FAR2: variants seen among roughly 807,000 people sequenced by gnomAD.
FAR2 encodes epididymis secretory protein Li 81.
FAR2 carries 19 observed loss-of-function variants against 56.0 expected under a neutral mutation model. That is an observed-to-expected ratio of 0.34 (90% CI 0.24 to 0.50). FAR2 has a LOEUF of 0.50. Among genes scored for constraint, FAR2 ranks in the 20% least tolerant of loss-of-function variants. FAR2 has a pLI of 0.98. For synonymous variants in FAR2, 219 were observed against 218.8 expected (o/e 1.00, Z -0.01); for missense variants, 508 against 642.2 (o/e 0.79, Z 2.26).
intron 1 of FAR2, among the ~76,000 whole-genome samples, chr12:29,191,731 C>T (rs912978081): frequency 6.6e-6 from 1 of 152,158 alleles, no homozygotes; most frequent in Admixed American, 6.5e-5. Context: ...CATGTTCAGC[C>T]ATAACATTGC....
chr12:29,269,981 C>T (rs1158946778), intron 1 of FAR2, among the ~76,000 whole-genome samples: 1 of 152,224 alleles, frequency 6.6e-6, no homozygotes, highest in East Asian at 1.9e-4. Context: ...TTTCCTTGGC[C>T]TGGGACACCA....
At chr12:29,192,246 TAAATA>T (rs1217682669) in intron 1 of FAR2, among the ~76,000 whole-genome samples, 3 of 152,242 alleles carry the variant, frequency 2.0e-5, no homozygotes, top group Non-Finnish European at 4.4e-5. Context: ...TTCCACAAAT[TAAATA>T]AATTAAACGG....
intron 1 of FAR2, among the ~76,000 whole-genome samples, chr12:29,214,022 T>C (rs946679937): frequency 2.0e-5 from 3 of 152,202 alleles, no homozygotes; most frequent in African/African-American, 7.2e-5. Flanking sequence ...CACCTCAAAG[T>C]TTCTTATTTT....
intron 1 of FAR2, among the ~76,000 whole-genome samples, chr12:29,150,725 A>G (rs1380421357): frequency 6.6e-6 from 1 of 152,156 alleles, no homozygotes; most frequent in Non-Finnish European, 1.5e-5. Context: ...GTGTGTCAAT[A>G]TTTCATCGGT....
intron 2 of FAR2, among the ~76,000 whole-genome samples, chr12:29,285,504 C>G (rs1948858707): frequency 6.6e-6 from 1 of 151,694 alleles, no homozygotes; most frequent in Non-Finnish European, 1.5e-5. Context: ...TGTTCAACCT[C>G]TCCCCTGCAG....
intron 1 of FAR2, among the ~76,000 whole-genome samples, chr12:29,219,528 A>G (rs1336498620): frequency 1.3e-5 from 2 of 152,214 alleles, no homozygotes; most frequent in Non-Finnish European, 2.9e-5. Context: ...ACTGCTGTAC[A>G]TCAGCACCTA....
chr12:29,277,192 G>A (rs538966205), intron 2 of FAR2, among the ~76,000 whole-genome samples: 1 of 152,190 alleles, frequency 6.6e-6, no homozygotes, highest in African/African-American at 2.4e-5. Flanking sequence ...TGGCCAGGCT[G>A]GTCTTGAACT....
rs923365935 is a variant in FAR2 at position 29,211,248 on chromosome 12, G to A, written c.-38-59164G>A. On this transcript the variant is annotated intron_variant, in intron 1 of 11. Transcript: ENST00000536681. ...GGAGGTTGTAGTGACCGGAGATCAC[G>A]CCACTGCACTCCGGCCTGGGCAATG... Among the ~76,000 whole-genome samples, 9 of 152,134 alleles carry A rather than the reference G, an allele frequency of 5.9e-5. No individual in the cohort carries two copies. In the South Asian group the frequency reaches 8.3e-4, roughly 14 times the overall value.
chr12:29,256,169 G>C (rs985821363), intron 1 of FAR2, among the ~76,000 whole-genome samples: 1 of 151,714 alleles, frequency 6.6e-6, no homozygotes, highest in Non-Finnish European at 1.5e-5. Flanking sequence ...ACTGCACCCG[G>C]CCTTATTATA....
At chr12:29,191,082 T>A (rs892024689) in intron 1 of FAR2, among the ~76,000 whole-genome samples, 8 of 152,340 alleles carry the variant, frequency 5.3e-5, no homozygotes, top group Non-Finnish European at 1.2e-4. Context: ...GAGCTAGCTC[T>A]GGGAGTAGGC....
At position 29,230,149 on chromosome 12, in the gene FAR2, A is replaced by G. The variant is rs137981303; in HGVS notation, c.-38-40263A>G. On this transcript the variant is annotated intron_variant, in intron 1 of 11. Coordinates refer to ENST00000536681, the MANE Select transcript of FAR2 (RefSeq NM_001271783.2). ...TGAATAAACAGATGACAGATAAACTATAAACAGATGACTAGAAACAGATGA... is the reference window on the plus strand; with the variant it reads ...TGAATAAACAGATGACAGATAAACTGTAAACAGATGACTAGAAACAGATGA... Among the ~76,000 whole-genome samples the G allele has an allele frequency of 5.8e-3, 881 of 152,336 alleles. 6 individuals are homozygous for G. The highest frequency in any genetic ancestry group is 0.014 in the South Asian group (67 of 4,824).
At chr12:29,269,570 T>G (rs1393044219) in intron 1 of FAR2, among the ~76,000 whole-genome samples, 2 of 152,242 alleles carry the variant, frequency 1.3e-5, no homozygotes, top group Non-Finnish European at 2.9e-5. Flanking sequence ...ACCAGGGTAT[T>G]GACTGGGGAA....
Position 29,335,022 on chromosome 12 carries a change from T to TTTC in FAR2, c.*1232_*1234dup, listed in dbSNP as rs1949777205. ...GATGAGTACATGTTGGATTGCAGCA[T>TTTC]TTCTTCATGTTAAAAACATGGAATA... On this transcript the variant is annotated 3_prime_UTR_variant, in exon 12 of 12. Coordinates refer to ENST00000536681, the MANE Select transcript of FAR2 (RefSeq NM_001271783.2). 6.6e-6 allele frequency: 1 copy of TTTC among 152,198 alleles called. No homozygotes were observed. The highest frequency in any genetic ancestry group is 2.1e-4 in the South Asian group (1 of 4,836). 9.4% of individuals were successfully genotyped at this position (152,198 alleles called of 1,614,324 possible). A position where few individuals can be genotyped will look rare whatever the true frequency, so the allele number is the denominator to read the frequency against.
intron 1 of FAR2, among the ~76,000 whole-genome samples, chr12:29,183,476 A>G (rs940467535): frequency 6.6e-6 from 1 of 152,154 alleles, no homozygotes; most frequent in Non-Finnish European, 1.5e-5. Context: ...CTTCCAAACT[A>G]GGTTTCTTCT....
Position 29,296,217 on chromosome 12 carries a change from A to C in FAR2, c.366-804A>C, listed in dbSNP as rs574102221. Among the ~76,000 whole-genome samples the C allele has an allele frequency of 1.0e-3, 155 of 152,098 alleles. 2 individuals are homozygous for C. Among genetic ancestry groups the C allele is most frequent in the African/African-American group, 3.6e-3 (151 of 41,472 alleles). ...TTTTTAGTATCTATATCTGTTCTTT[A>C]ATTTTATTTTTCTAATTAATTCCAA... On this transcript the variant is annotated intron_variant, in intron 3 of 11. Coordinates refer to ENST00000536681, the MANE Select transcript of FAR2 (RefSeq NM_001271783.2).
At chr12:29,330,213 C>T (rs1291622813) in intron 10 of FAR2, among the ~76,000 whole-genome samples, 1 of 152,048 alleles carries the variant, frequency 6.6e-6, no homozygotes, top group Non-Finnish European at 1.5e-5. Context: ...CATGCCACGA[C>T]GCCTGGCTAA....
At chr12:29,157,812 C>T (rs1270662005) in intron 1 of FAR2, among the ~76,000 whole-genome samples, 1 of 152,192 alleles carries the variant, frequency 6.6e-6, no homozygotes, top group Non-Finnish European at 1.5e-5. Context: ...CTGGTCCCAA[C>T]ATATTTGAAA....
chr12:29,193,087 T>C (rs1333008626), intron 1 of FAR2, among the ~76,000 whole-genome samples: 3 of 151,802 alleles, frequency 2.0e-5, no homozygotes, highest in Non-Finnish European at 4.4e-5. Flanking sequence ...TTAAAGCTTT[T>C]ATTTTTTTTT....
intron 8 of FAR2, among the ~76,000 whole-genome samples, chr12:29,314,480 C>T (rs1949412799): frequency 6.7e-6 from 1 of 148,358 alleles, no homozygotes; most frequent in Admixed American, 6.8e-5. Flanking sequence ...TATTCTATTC[C>T]AGGGAGCTCT....
Sources: allele counts gnomAD v4.1 joint callset (sites outside exome capture counted in the v4.1 genomes callset), GRCh38; gene constraint gnomAD v4.1.1; transcripts MANE v1.5; gene names NCBI Gene and HGNC (gene_info 2026-07-23, HGNC 2026-07-21).